Variants in AMER3 observed in about 807,000 individuals in gnomAD.
AMER3 encodes the protein family with sequence similarity 123C.
For missense variants in AMER3, 1,201 were observed against 1,139.4 expected (o/e 1.05, Z -0.78); for synonymous variants, 541 against 485.5 (o/e 1.11, Z -1.50).
chr2:130,756,307 T>C (rs1678606897), intron 1 of AMER3: 1 of 149,982 alleles, frequency 6.7e-6, no homozygotes. Flanking sequence ...ACCGTGGTGC[T>C]GAGCGCGGCT....
chr2:130,757,322 A>C (rs1448717957), intron 1 of AMER3, among the ~76,000 whole-genome samples: 1 of 152,234 alleles, frequency 6.6e-6, no homozygotes, highest in Admixed American at 6.5e-5. Context: ...GGAGGTGCAC[A>C]GACAGAGGAG....
chr2:130,757,578 G>A (rs1301306301), intron 1 of AMER3, among the ~76,000 whole-genome samples: 2 of 152,168 alleles, frequency 1.3e-5, no homozygotes, highest in Non-Finnish European at 2.9e-5. Flanking sequence ...CACTTGAGCT[G>A]CTTTCAGATC....
chr2:130,764,690 G>A lies in AMER3; in HGVS notation c.*32G>A. 1 of 1,547,630 alleles carries A rather than the reference G, an allele frequency of 6.5e-7. No homozygotes were observed. On this transcript the variant is annotated 3_prime_UTR_variant, in exon 2 of 2. Coordinates refer to ENST00000321420, the MANE Select transcript of AMER3 (RefSeq NM_152698.3). The stretch of plus-strand genomic sequence containing the variant: ...CTCACATGCACCAGGAACTGCATGT[G>A]TCTTCATGACCACTTTCAGGAGAGC...
chr2:130,760,310 C>T (rs1452455816), intron 1 of AMER3, among the ~76,000 whole-genome samples: 4 of 152,206 alleles, frequency 2.6e-5, no homozygotes, highest in African/African-American at 9.6e-5. Context: ...CCTGCCAGCC[C>T]CTGCAGTGTC....
At position 130,763,713 on chromosome 2, in the gene AMER3, G is replaced by A; in HGVS notation, c.1641G>A (p.Arg547=). The A allele has an allele frequency of 6.4e-7, 1 of 1,563,460 alleles. No homozygotes were observed. The highest frequency in any genetic ancestry group is 8.6e-7 in the Non-Finnish European group (1 of 1,158,310). ...CACCCACAGAGAAGCTGGGGGGCAG[G>A]GAGGGCCTGGCCTCAGATGCAGGGG... The part of the protein sequence containing the change: ...PRAPTEKLGG[R]EGLASDAGGA... The change falls in exon 2 of 2, where the codon AGG becomes AGA. Residue 547 remains arginine, a synonymous_variant. Transcript: ENST00000321420.
Position 130,764,711 on chromosome 2 carries a change from A to G in AMER3, c.*53A>G, listed in dbSNP as rs1678935844. ...ATGTGTCTTCATGACCACTTTCAGG[A>G]GAGCCTAGGACTCAAATCTCTATCT... On this transcript the variant is annotated 3_prime_UTR_variant, in exon 2 of 2. Transcript: ENST00000321420. 6.7e-7 allele frequency: 1 copy of G among 1,495,464 alleles called. No homozygotes were observed. The allele number at this position is 1,495,464 out of a possible 1,614,324, so 92.6% of individuals were successfully genotyped here.
chr2:130,767,675 T>A lies in AMER3; in HGVS notation c.*3017T>A, dbSNP rs1181130585. The A allele has an allele frequency of 2.4e-5, 4 of 167,106 alleles. No individual in the cohort carries two copies. The highest frequency in any genetic ancestry group is 5.9e-5 in the Non-Finnish European group (4 of 68,298). 10.4% of individuals were successfully genotyped at this position (167,106 alleles called of 1,614,324 possible). A position where few individuals can be genotyped will look rare whatever the true frequency, so the allele number is the denominator to read the frequency against. ...CACATCTGAGCCCTCCTCCCAAGAC[T>A]CACACACAGGACCACAGCAGCATCA... is the stretch of plus-strand genomic sequence containing the variant. On this transcript the variant is annotated 3_prime_UTR_variant, in exon 2 of 2. Coordinates refer to ENST00000321420, the MANE Select transcript of AMER3 (RefSeq NM_152698.3).
chr2:130,761,917 T>TC, intron 1 of AMER3, 137 bp from the exon 2 acceptor site: 1 of 862,912 alleles, frequency 1.2e-6, no homozygotes, highest in Non-Finnish European at 1.8e-6. Context: ...CCCATCTTTC[T>TC]CCCCCACCTG....
chr2:130,762,582 G>C lies in AMER3; in HGVS notation c.510G>C (p.Lys170Asn). 6.2e-7 allele frequency: 1 copy of C among 1,613,252 alleles called. No individual in the cohort carries two copies. Among genetic ancestry groups the C allele is most frequent in the Non-Finnish European group, 8.5e-7 (1 of 1,179,996 alleles). The change falls in exon 2 of 2, where the codon AAG becomes AAC. Residue 170 changes from lysine (K) to asparagine (N), a missense_variant. Lys to Asn is a moderately conservative substitution (Grantham distance 94). Transcript: ENST00000321420. ...FRNLFHIRRN[K>N]TEDLASLAAE... ...ACCTATTCCACATTCGGAGAAACAAGACTGAGGACTTGGCCTCGCTGGCGG... is the reference window on the plus strand; with the variant it reads ...ACCTATTCCACATTCGGAGAAACAACACTGAGGACTTGGCCTCGCTGGCGG...
chr2:130,761,092 C>T (rs1678763731), intron 1 of AMER3, among the ~76,000 whole-genome samples: 1 of 152,182 alleles, frequency 6.6e-6, no homozygotes, highest in South Asian at 2.1e-4. Context: ...TTTCTGTCCT[C>T]CACTCGGAGG....
chr2:130,762,527 C>T lies in AMER3; in HGVS notation c.455C>T (p.Ser152Phe). The change falls in exon 2 of 2, where the codon TCC (serine) becomes TTC (phenylalanine). Residue 152 changes from serine to phenylalanine, a missense_variant. By Grantham distance (155) the Ser-to-Phe change is radical. Transcript: ENST00000321420. ...VAKSIPRKRI[S>F]LKRPKKCFRN... The stretch of plus-strand genomic sequence containing the variant: ...AAGAGCATCCCGAGGAAGAGGATTT[C>T]CCTGAAGAGGCCCAAGAAGTGCTTT... 6.2e-7 allele frequency: 1 copy of T among 1,613,472 alleles called. No individual in the cohort carries two copies.
chr2:130,765,950 A>C lies in AMER3; in HGVS notation c.*1292A>C, dbSNP rs1678970654. On this transcript the variant is annotated 3_prime_UTR_variant, in exon 2 of 2. Transcript: ENST00000321420. ...CTTAACCCAGTCGAGTTCACACCCA[A>C]AATGAAGTCCACAGGTCCACCCCTT... The C allele has an allele frequency of 6.0e-6, 1 of 166,980 alleles. No homozygotes were observed. The highest frequency in any genetic ancestry group is 2.4e-5 in the African/African-American group (1 of 41,390). The allele number at this position is 166,980 out of a possible 1,614,324, so 10.3% of individuals were successfully genotyped here. A position where few individuals can be genotyped will look rare whatever the true frequency, so the allele number is the denominator to read the frequency against.
Position 130,763,224 on chromosome 2 carries a change from C to A in AMER3, c.1152C>A (p.Asp384Glu). The A allele has an allele frequency of 6.2e-7, 1 of 1,613,846 alleles. No homozygotes were observed. Among genetic ancestry groups the A allele is most frequent in the South Asian group, 1.1e-5 (1 of 91,076 alleles). ...SEQPESVSTS[D>E]EGYYDSFSPG... ...AGCCCGAATCCGTGTCCACAAGTGA[C>A]GAGGGCTACTATGATTCCTTCTCGC... The change falls in exon 2 of 2, where the codon GAC becomes GAA. Residue 384 changes from aspartate (D) to glutamate (E), a missense_variant. Asp to Glu is a conservative substitution (Grantham distance 45, BLOSUM62 2). Transcript: ENST00000321420.
At chr2:130,757,402 C>T (rs1420781453) in intron 1 of AMER3, among the ~76,000 whole-genome samples, 1 of 152,066 alleles carries the variant, frequency 6.6e-6, no homozygotes, top group Non-Finnish European at 1.5e-5. Flanking sequence ...CTCCGCTGTC[C>T]ATTTTCACCT....
rs201991425 is a variant in AMER3 at position 130,762,580 on chromosome 2, A to G, written c.508A>G (p.Lys170Glu). Residue 170 changes from lysine to glutamate, a missense_variant, in exon 2 of 2, where the codon AAG becomes GAG. By Grantham distance (56) the Lys-to-Glu change is moderately conservative. Coordinates refer to ENST00000321420, the MANE Select transcript of AMER3 (RefSeq NM_152698.3). Reference protein sequence around the residue: ...FRNLFHIRRNKTEDLASLAAE... With the variant: ...FRNLFHIRRNETEDLASLAAE... Reference sequence around the variant, plus strand: ...GAACCTATTCCACATTCGGAGAAACAAGACTGAGGACTTGGCCTCGCTGGC... The same window carrying G: ...GAACCTATTCCACATTCGGAGAAACGAGACTGAGGACTTGGCCTCGCTGGC... The G allele has an allele frequency of 6.2e-7, 1 of 1,613,288 alleles. No individual in the cohort carries two copies. The highest frequency in any genetic ancestry group is 2.2e-5 in the East Asian group (1 of 44,860).
chr2:130,762,939 G>C lies in AMER3; in HGVS notation c.867G>C (p.Gln289His), dbSNP rs1180882715. 6.2e-7 allele frequency: 1 copy of C among 1,613,018 alleles called. No individual in the cohort carries two copies. The highest frequency in any genetic ancestry group is 1.1e-5 in the South Asian group (1 of 91,070). The change falls in exon 2 of 2, where the codon CAG (glutamine) becomes CAC (histidine). Residue 289 changes from glutamine (Q) to histidine (H), a missense_variant. Physicochemically the swap from Gln to His is conservative, Grantham distance 24. Coordinates refer to ENST00000321420, the MANE Select transcript of AMER3 (RefSeq NM_152698.3). Reference sequence around the variant, plus strand: ...GCAAGGTTCCCAGGGGCCCTCTCCAGGGCAGTGTGGAGCAGCTGGCCTCGC... The same window carrying C: ...GCAAGGTTCCCAGGGGCCCTCTCCACGGCAGTGTGGAGCAGCTGGCCTCGC... ...LESKVPRGPL[Q>H]GSVEQLASPA...
intron 1 of AMER3, among the ~76,000 whole-genome samples, chr2:130,758,739 G>A (rs1558964642): frequency 6.6e-6 from 1 of 152,226 alleles, no homozygotes; most frequent in Non-Finnish European, 1.5e-5. Context: ...GTAGGGACGG[G>A]TCTGAACCCT....
At chr2:130,761,231 A>G (rs1053175208) in intron 1 of AMER3, among the ~76,000 whole-genome samples, 4 of 152,138 alleles carry the variant, frequency 2.6e-5, no homozygotes, top group Non-Finnish European at 4.4e-5. Flanking sequence ...GGGACAGTCA[A>G]TTGGCTAGCA....
rs200515549 is a variant in AMER3 at position 130,763,386 on chromosome 2, A to G, written c.1314A>G (p.Pro438=). The change falls in exon 2 of 2, where the codon CCA becomes CCG. Residue 438 remains proline (P), a synonymous_variant. Transcript: ENST00000321420. ...GCGAGGGTCCTCTTGGCCCCAGCCC[A>G]GATGATGACCTGTGCGTGTCTGAGA... The part of the protein sequence containing the change: ...DPSEGPLGPS[P]DDDLCVSESL... 1 of 1,613,080 alleles carries G rather than the reference A, an allele frequency of 6.2e-7. No individual in the cohort carries two copies. Among genetic ancestry groups the G allele is most frequent in the East Asian group, 2.2e-5 (1 of 44,870 alleles).
Sources: gnomAD v4.1 joint callset for allele counts (sites outside exome capture counted in the v4.1 genomes callset) on GRCh38, gnomAD v4.1.1 for gene constraint, MANE v1.5 for transcripts, NCBI Gene and HGNC (gene_info 2026-07-23, HGNC 2026-07-21) for gene names.